Variants in PDE4D observed in about 807,000 individuals in gnomAD.
PDE4D encodes phosphodiesterase 4D.
Under a neutral mutation model 87.4 loss-of-function variants are expected in PDE4D, and 24 were observed. The observed-to-expected ratio is 0.27, with a 90% CI of 0.20 to 0.39. PDE4D has a LOEUF of 0.39. PDE4D is among the 10% of genes least tolerant of loss of function. The probability of loss-of-function intolerance (pLI) is 1.00; values close to 1 mark genes in which losing one functional copy is unlikely to be tolerated. For synonymous variants in PDE4D, 384 were observed against 383.2 expected (o/e 1.00, Z -0.02); for missense variants, 714 against 1,041.0 (o/e 0.69, Z 4.32).
chr5:59,513,031 T>TA (rs1257557477), intron 1 of PDE4D, among the ~76,000 whole-genome samples: 2 of 152,148 alleles, frequency 1.3e-5, no homozygotes, highest in Non-Finnish European at 2.9e-5. Context: ...TGTTCTTTTT[T>TA]AAAAAATGAT....
intron 1 of PDE4D, among the ~76,000 whole-genome samples, chr5:59,216,984 T>A (rs1258200990): frequency 6.6e-6 from 1 of 152,236 alleles, no homozygotes; most frequent in East Asian, 1.9e-4. Flanking sequence ...ACTCAGCGTA[T>A]TCTTGGCACA....
intron 1 of PDE4D, among the ~76,000 whole-genome samples, chr5:59,879,104 G>A (rs1749061573): frequency 6.6e-6 from 1 of 151,522 alleles, no homozygotes; most frequent in Non-Finnish European, 1.5e-5. Context: ...GTTTCACCAT[G>A]TTAGCCAGGA....
intron 1 of PDE4D, among the ~76,000 whole-genome samples, chr5:59,602,386 T>C (rs1193844903): frequency 1.3e-5 from 2 of 152,014 alleles, no homozygotes; most frequent in Non-Finnish European, 2.9e-5. Flanking sequence ...CTCTTGCCAC[T>C]TCTATTCATT....
chr5:59,913,162 T>TG (rs1270026204), intron 3 of PDE4D, among the ~76,000 whole-genome samples: 11 of 152,366 alleles, frequency 7.2e-5, no homozygotes, highest in African/African-American at 2.6e-4. Flanking sequence ...TATTTCATTT[T>TG]TTCTTATTTT....
intron 5 of PDE4D, among the ~76,000 whole-genome samples, chr5:59,146,463 AC>A (rs1223004668): frequency 9.8e-5 from 15 of 152,314 alleles, no homozygotes; most frequent in Non-Finnish European, 2.1e-4. Context: ...GGGTGGTACT[AC>A]AGGCAAGGTA....
intron 1 of PDE4D, among the ~76,000 whole-genome samples, chr5:59,769,926 GC>G (rs1561634067): frequency 6.6e-6 from 1 of 151,536 alleles, no homozygotes; most frequent in Non-Finnish European, 1.5e-5. Context: ...CTGTTTCCCT[GC>G]CCCCCTGGTT....
At chr5:59,969,145 T>C (rs899544904) in intron 3 of PDE4D, among the ~76,000 whole-genome samples, 10 of 152,210 alleles carry the variant, frequency 6.6e-5, no homozygotes, top group Non-Finnish European at 1.2e-4. Flanking sequence ...TATTACTGCA[T>C]GTGCAACTAA....
intron 1 of PDE4D, among the ~76,000 whole-genome samples, chr5:59,599,680 C>G (rs1338763607): frequency 6.6e-6 from 1 of 152,096 alleles, no homozygotes; most frequent in African/African-American, 2.4e-5. Flanking sequence ...ACCCAAAACT[C>G]TAAACTTGAT....
intron 1 of PDE4D, among the ~76,000 whole-genome samples, chr5:59,220,390 A>G (rs1416986365): frequency 6.7e-6 from 1 of 150,004 alleles, no homozygotes; most frequent in Non-Finnish European, 1.5e-5. Context: ...AAAAAAAAAA[A>G]AAAAAAAAAA....
rs1410812867 is a variant in PDE4D, at chr5:58,988,560, T to C, written c.1485A>G (p.Ala495=). 2.7e-6 allele frequency: 4 copies of C among 1,501,896 alleles called. No individual in the cohort carries two copies. In the South Asian group the frequency reaches 5.4e-5, roughly 20 times the overall value. 93.0% of individuals were successfully genotyped at this position (1,501,896 alleles called of 1,614,324 possible). Residue 495 remains alanine, a synonymous_variant, in exon 11 of 15, where the codon GCA becomes GCG. Transcript: ENST00000340635. ...AVFTDLEILA[A]IFASAIHDVD... ...CATCATGTATTGCACTGGCAAAAAT[T>C]GCTGCAAGAATCTCCAAATCTGTAA...
chr5:59,275,178 G>A (rs1285594022), intron 1 of PDE4D, among the ~76,000 whole-genome samples: 4 of 151,900 alleles, frequency 2.6e-5, no homozygotes, highest in Non-Finnish European at 5.9e-5. Context: ...GCACCCATTT[G>A]GTTAAAGCAC....
intron 6 of PDE4D, among the ~76,000 whole-genome samples, chr5:59,023,937 C>T (rs1755716582): frequency 6.9e-6 from 1 of 145,486 alleles, no homozygotes; most frequent in Admixed American, 7.0e-5. Context: ...GAGTCTCACT[C>T]AGTCGCCCAG....
At chr5:59,759,974 A>G (rs1446773586) in intron 1 of PDE4D, among the ~76,000 whole-genome samples, 2 of 152,202 alleles carry the variant, frequency 1.3e-5, no homozygotes, top group African/African-American at 4.8e-5. Context: ...AGAGACCTCA[A>G]AGAGAAATCA....
At chr5:58,992,139 G>A (rs1476748032) in intron 7 of PDE4D, 135 bp from the exon 8 acceptor site, 8 of 522,420 alleles carry the variant, frequency 1.5e-5, no homozygotes, top group Non-Finnish European at 2.4e-5. Flanking sequence ...TCCTTTTAGA[G>A]AGTTCAGTAT....
intron 5 of PDE4D, among the ~76,000 whole-genome samples, chr5:59,121,741 T>A (rs1044081354): frequency 1.3e-5 from 2 of 152,060 alleles, no homozygotes; most frequent in East Asian, 3.9e-4. Context: ...GAAAAGAAAT[T>A]GGTGTATCAA....
rs541294061 is a variant in PDE4D, at chr5:60,338,588, A to T, written c.-90+149354T>A. 4.6e-5 allele frequency among the ~76,000 whole-genome samples: 7 copies of T among 152,180 alleles called. No individual in the cohort carries two copies. In the South Asian group the frequency reaches 1.5e-3, roughly 32 times the overall value. On this transcript the variant is annotated intron_variant, in intron 1 of 16. Coordinates refer to the PDE4D transcript ENST00000502484. Reference sequence around the variant, plus strand: ...CTCTTTCCAAGGTTCCATACACACGACATGTCCATGTGACTCGCCCGGAGG... The same window carrying T: ...CTCTTTCCAAGGTTCCATACACACGTCATGTCCATGTGACTCGCCCGGAGG...
intron 1 of PDE4D, among the ~76,000 whole-genome samples, chr5:59,831,032 T>A (rs921822702): frequency 6.6e-6 from 1 of 151,904 alleles, no homozygotes; most frequent in Non-Finnish European, 1.5e-5. Context: ...CCTCAGCATA[T>A]TAAAAATATA....
intron 1 of PDE4D, among the ~76,000 whole-genome samples, chr5:59,633,258 G>A (rs972579714): frequency 3.3e-5 from 5 of 152,154 alleles, no homozygotes; most frequent in African/African-American, 1.2e-4. Context: ...AAACCTACAT[G>A]TGATTAGTGT....
intron 1 of PDE4D, among the ~76,000 whole-genome samples, chr5:60,241,253 G>GTCTC (rs201578593): frequency 6.9e-6 from 1 of 145,504 alleles, no homozygotes; most frequent in Non-Finnish European, 1.5e-5. Flanking sequence ...ATACATCAGA[G>GTCTC]TCTCTCTCTC....
Sources: allele counts gnomAD v4.1 joint callset (sites outside exome capture counted in the v4.1 genomes callset), GRCh38; gene constraint gnomAD v4.1.1; transcripts MANE v1.5; gene names NCBI Gene and HGNC (gene_info 2026-07-23, HGNC 2026-07-21).